Variants in NMNAT2 observed in about 807,000 individuals in gnomAD.
NMNAT2 encodes the protein nicotinamide nucleotide adenylyltransferase 2.
In NMNAT2, 11 loss-of-function variants were observed where a neutral mutation model predicts 41.6. That is an observed-to-expected ratio of 0.26 (90% CI 0.17 to 0.44). The LOEUF (loss-of-function observed/expected upper bound fraction) is 0.44. Ranked by LOEUF, NMNAT2 falls within the 20% of genes least tolerant of loss-of-function variation. NMNAT2 has a pLI of 1.00. For synonymous variants in NMNAT2, 148 were observed against 151.2 expected, an observed-to-expected ratio of 0.98 and a Z score of 0.16; for missense variants, 288 against 407.7, an observed-to-expected ratio of 0.71 and a Z score of 2.53.
chr1:183,338,222 A>ATGTC (rs58516191), intron 1 of NMNAT2, among the ~76,000 whole-genome samples: 106,328 of 149,498 alleles, frequency 0.71, 37,975 homozygotes, highest in East Asian at 0.9. Context: ...ACAGATCATT[A>ATGTC]ACCGTGAGGC....
chr1:183,385,406 C>G (rs1648196690), intron 1 of NMNAT2, among the ~76,000 whole-genome samples: 1 of 152,142 alleles, frequency 6.6e-6, no homozygotes, highest in South Asian at 2.1e-4. Flanking sequence ...TAAAAATACA[C>G]CTATACACCT....
intron 1 of NMNAT2, among the ~76,000 whole-genome samples, chr1:183,303,954 A>G (rs1218280053): frequency 6.6e-6 from 1 of 152,228 alleles, no homozygotes; most frequent in Non-Finnish European, 1.5e-5. Flanking sequence ...CCAGCCATCT[A>G]CTAACACTTG....
At chr1:183,393,931 G>A (rs1648560037) in intron 1 of NMNAT2, among the ~76,000 whole-genome samples, 1 of 152,162 alleles carries the variant, frequency 6.6e-6, no homozygotes, top group African/African-American at 2.4e-5. Context: ...ATGGGATACA[G>A]TTCAGGACAA....
intron 1 of NMNAT2, among the ~76,000 whole-genome samples, chr1:183,352,460 G>A (rs993093297): frequency 2.0e-5 from 3 of 151,098 alleles, no homozygotes; most frequent in Non-Finnish European, 4.4e-5. Context: ...CTACTCGGGA[G>A]GCTTAGGCAG....
At chr1:183,284,607 A>C in intron 6 of NMNAT2, 103 bp downstream of exon 6, 1 of 969,864 alleles carries the variant, frequency 1.0e-6, no homozygotes, top group Non-Finnish European at 1.7e-6. Context: ...AATCACGGGA[A>C]TTTGCGGTGG....
chr1:183,369,262 TC>T (rs896789093), intron 1 of NMNAT2, among the ~76,000 whole-genome samples: 8 of 74,822 alleles, frequency 1.1e-4, no homozygotes, highest in African/African-American at 3.5e-4. Context: ...TCTTTTCTTT[TC>T]TTTTTTTTTT....
chr1:183,321,010 G>A (rs1411393), intron 1 of NMNAT2, among the ~76,000 whole-genome samples: 67,413 of 151,994 alleles, frequency 0.44, 16,060 homozygotes, highest in East Asian at 0.79. Context: ...TGTGGCTTGG[G>A]GTAGATGGCC....
chr1:183,271,967 G>C (rs557770593), intron 8 of NMNAT2, among the ~76,000 whole-genome samples: 3 of 152,240 alleles, frequency 2.0e-5, no homozygotes, highest in African/African-American at 7.2e-5. Flanking sequence ...TGGCCAGGCT[G>C]GTTTTGAACT....
chr1:183,354,287 G>T (rs1663132388), intron 1 of NMNAT2, among the ~76,000 whole-genome samples: 1 of 151,950 alleles, frequency 6.6e-6, no homozygotes, highest in Admixed American at 6.6e-5. Context: ...AGGACAATGA[G>T]TAAGGTTAGA....
intron 1 of NMNAT2, among the ~76,000 whole-genome samples, chr1:183,308,020 A>G: frequency 6.6e-6 from 1 of 152,180 alleles, no homozygotes; most frequent in Admixed American, 6.5e-5. Context: ...GCATGCAGGA[A>G]CGTCAGGCTG....
intron 8 of NMNAT2, chr1:183,266,882 A>G (rs1660829666): frequency 6.3e-6 from 1 of 159,140 alleles, no homozygotes; most frequent in South Asian, 1.6e-4. Context: ...GCTGATGTGA[A>G]GACTACCAAT....
At chr1:183,357,365 G>A (rs1663217721) in intron 1 of NMNAT2, among the ~76,000 whole-genome samples, 1 of 151,656 alleles carries the variant, frequency 6.6e-6, no homozygotes, top group Admixed American at 6.6e-5. Flanking sequence ...GAGTAGCTGG[G>A]ACTACAGGCG....
intron 1 of NMNAT2, among the ~76,000 whole-genome samples, chr1:183,373,693 C>A (rs1201331323): frequency 6.6e-6 from 1 of 151,374 alleles, no homozygotes; most frequent in Non-Finnish European, 1.5e-5. Flanking sequence ...TCTCGGCTCA[C>A]TGCAACCTCC....
chr1:183,304,849 C>T, intron 1 of NMNAT2: 2 of 1,574,194 alleles, frequency 1.3e-6, no homozygotes, highest in Non-Finnish European at 1.7e-6. Flanking sequence ...GTTTGCTCCA[C>T]TACCTCCAGC....
At chr1:183,392,513 CTT>C (rs1190000356) in intron 1 of NMNAT2, among the ~76,000 whole-genome samples, 1 of 152,204 alleles carries the variant, frequency 6.6e-6, no homozygotes, top group Non-Finnish European at 1.5e-5. Flanking sequence ...TCATGTAACA[CTT>C]TTCTTCAAGA....
chr1:183,252,445 G>A lies in NMNAT2; in HGVS notation c.*196C>T. 2.4e-6 allele frequency: 1 copy of A among 410,810 alleles called. No individual in the cohort carries two copies. Among genetic ancestry groups the A allele is most frequent in the Non-Finnish European group, 4.7e-6 (1 of 213,608 alleles). 25.4% of individuals were successfully genotyped at this position (410,810 alleles called of 1,614,324 possible). On this transcript the variant is annotated 3_prime_UTR_variant, in exon 11 of 11. Transcript: ENST00000287713. ...TCACCCACCCCCAACCCGGAGACTA[G>A]AGGAAAGTCTGTCCAAAGATGACTG...
chr1:183,407,693 T>C (rs1471479759), intron 1 of NMNAT2, among the ~76,000 whole-genome samples: 2 of 152,030 alleles, frequency 1.3e-5, no homozygotes, highest in African/African-American at 4.8e-5. Context: ...ATAAGAGAGG[T>C]ACAAACCAAG....
At chr1:183,363,215 T>C (rs1571620207) in intron 1 of NMNAT2, among the ~76,000 whole-genome samples, 4 of 152,370 alleles carry the variant, frequency 2.6e-5, no homozygotes, top group Admixed American at 2.6e-4. Context: ...GGCTTACCTG[T>C]ACTTGACCTG....
intron 1 of NMNAT2, among the ~76,000 whole-genome samples, chr1:183,354,976 G>C (rs1249021596): frequency 6.6e-6 from 1 of 152,118 alleles, no homozygotes; most frequent in East Asian, 1.9e-4. Flanking sequence ...TCAATTTTCT[G>C]CTCAACAAAG....
Sources: gnomAD v4.1 joint callset for allele counts (sites outside exome capture counted in the v4.1 genomes callset) on GRCh38, gnomAD v4.1.1 for gene constraint, MANE v1.5 for transcripts, NCBI Gene and HGNC (gene_info 2026-07-23, HGNC 2026-07-21) for gene names.